HIVEP1: variants seen among roughly 807,000 people sequenced by gnomAD.
HIVEP1 encodes the protein zinc finger protein 40.
In HIVEP1, 36 loss-of-function variants were observed where a neutral mutation model predicts 180.0. That is an observed-to-expected ratio of 0.20 (90% confidence interval 0.15 to 0.26). The LOEUF (loss-of-function observed/expected upper bound fraction) is 0.26, where lower values mean the gene tolerates loss of function less well. HIVEP1 is among the 10% of genes least tolerant of loss of function. HIVEP1 has a pLI of 1.00. For missense variants in HIVEP1, 3,143 were observed against 3,268.7 expected, an observed-to-expected ratio of 0.96 and a Z score of 0.94; for synonymous variants, 1,239 against 1,239.0, an observed-to-expected ratio of 1.00 and a Z score of 0.00.
intron 2 of HIVEP1, chr6:12,038,429 T>A (rs1769438693): frequency 6.6e-6 from 1 of 152,262 alleles, no homozygotes; most frequent in Non-Finnish European, 1.5e-5. Context: ...ATCCCAGCAC[T>A]TTGGGAGGCT....
chr6:12,060,325 A>C (rs1771143911), intron 2 of HIVEP1, among the ~76,000 whole-genome samples: 1 of 152,244 alleles, frequency 6.6e-6, no homozygotes, highest in Non-Finnish European at 1.5e-5. Flanking sequence ...TTCTTTAAAT[A>C]TATATCTGGG....
At chr6:12,047,521 A>T (rs182338615) in intron 2 of HIVEP1, among the ~76,000 whole-genome samples, 2 of 152,374 alleles carry the variant, frequency 1.3e-5, no homozygotes, top group East Asian at 1.9e-4. Context: ...AGACAGGTTC[A>T]TGGTAGCCCT....
chr6:12,020,239 C>T (rs1768095479), intron 2 of HIVEP1: 1 of 453,600 alleles, frequency 2.2e-6, no homozygotes, highest in South Asian at 1.6e-5. Context: ...GCCTGTTTCC[C>T]ATCTGCAGGA....
intron 7 of HIVEP1, among the ~76,000 whole-genome samples, chr6:12,157,856 G>A (rs1477512547): frequency 2.0e-5 from 3 of 152,110 alleles, no homozygotes; most frequent in East Asian, 3.8e-4. Flanking sequence ...AAGAAAGTCT[G>A]TATTTCTCTT....
the HIVEP1 span, among the ~76,000 whole-genome samples, chr6:12,210,086 G>A: frequency 6.6e-6 from 1 of 151,828 alleles, no homozygotes; most frequent in Non-Finnish European, 1.5e-5. Context: ...CTGGGCAACA[G>A]AGCCAGACTC....
the HIVEP1 span, among the ~76,000 whole-genome samples, chr6:12,189,316 A>G: frequency 8.5e-5 from 13 of 152,240 alleles, no homozygotes; most frequent in South Asian, 2.7e-3. Context: ...TTCAGCAACT[A>G]TAGAAAAAGA....
Position 12,065,693 on chromosome 6 carries a change from G to A in HIVEP1, c.41-23491G>A, listed in dbSNP as rs1269957978. Among the ~76,000 whole-genome samples the A allele has an allele frequency of 2.6e-4, 13 of 49,942 alleles. No homozygotes were observed. In the South Asian group the frequency reaches 6.0e-3, roughly 23 times the overall value. The allele number at this position is 49,942 out of a possible 152,430, so 32.8% of individuals were successfully genotyped here. On this transcript the variant is annotated intron_variant, in intron 2 of 8. Coordinates refer to ENST00000379388, the MANE Select transcript of HIVEP1 (RefSeq NM_002114.4). Reference sequence around the variant, plus strand: ...TTTGTGTGTGTGTGTGTGTGTGTGCGTGTGTGTGTGTGTGTGTGTGCATTG... The same window carrying A: ...TTTGTGTGTGTGTGTGTGTGTGTGCATGTGTGTGTGTGTGTGTGTGCATTG...
At chr6:12,052,902 T>A (rs778187450) in intron 2 of HIVEP1, among the ~76,000 whole-genome samples, 2 of 152,226 alleles carry the variant, frequency 1.3e-5, no homozygotes, top group Non-Finnish European at 2.9e-5. Context: ...GCTAAAATGG[T>A]TAGGAAATGC....
the HIVEP1 span, among the ~76,000 whole-genome samples, chr6:12,188,642 T>C: frequency 6.6e-6 from 1 of 151,996 alleles, no homozygotes; most frequent in Non-Finnish European, 1.5e-5. Flanking sequence ...AAGAAATAAA[T>C]ATAAGAAATA....
rs777430622 is a variant in HIVEP1 at position 12,125,399 on chromosome 6, T to G, written c.5604T>G (p.Thr1868=). 15 of 1,613,918 alleles carry G rather than the reference T, an allele frequency of 9.3e-6. No individual in the cohort carries two copies. The highest frequency in any genetic ancestry group is 2.7e-5 in the African/African-American group (2 of 74,944). Residue 1868 remains threonine, a synonymous_variant, in exon 4 of 9, where the codon ACT becomes ACG. Coordinates refer to ENST00000379388, the MANE Select transcript of HIVEP1 (RefSeq NM_002114.4). ...FENIKSSTSL[T]LTVRSSPAPS... ...ACATCAAGTCATCCACATCATTAAC[T>G]CTTACAGTTCGAAGTTCACCTGCTC...
intron 8 of HIVEP1, among the ~76,000 whole-genome samples, chr6:12,162,212 T>A (rs1377149958): frequency 2.6e-5 from 2 of 76,608 alleles, no homozygotes; most frequent in Non-Finnish European, 5.1e-5. Flanking sequence ...TTTTGAAAAA[T>A]TTTTGAAATT....
chr6:12,155,138 A>G (rs1250296886), intron 7 of HIVEP1, among the ~76,000 whole-genome samples: 2 of 152,210 alleles, frequency 1.3e-5, no homozygotes, highest in Admixed American at 6.5e-5. Flanking sequence ...TGACCACTGC[A>G]TTAGTTACAT....
intron 2 of HIVEP1, among the ~76,000 whole-genome samples, chr6:12,036,600 C>A (rs988926052): frequency 6.6e-6 from 1 of 152,188 alleles, no homozygotes; most frequent in East Asian, 1.9e-4. Context: ...GCTAACAACA[C>A]AGTATGAAAG....
chr6:12,058,715 G>T lies in HIVEP1; in HGVS notation c.41-30469G>T, dbSNP rs181140337. Among the ~76,000 whole-genome samples, 70 of 152,214 alleles carry T rather than the reference G, an allele frequency of 4.6e-4. 1 individual carries two copies. The highest frequency in any genetic ancestry group is 1.6e-3 in the African/African-American group (65 of 41,538). Reference sequence around the variant, plus strand: ...AGCAGCTTGGGCAAGCAGCCCAGGCGCAAACAGCTCCGTACTGGTGATGGT... The same window carrying T: ...AGCAGCTTGGGCAAGCAGCCCAGGCTCAAACAGCTCCGTACTGGTGATGGT... On this transcript the variant is annotated intron_variant, in intron 2 of 8. Transcript: ENST00000379388.
At chr6:12,106,027 C>T (rs1406570118) in intron 3 of HIVEP1, among the ~76,000 whole-genome samples, 1 of 151,212 alleles carries the variant, frequency 6.6e-6, no homozygotes, top group Non-Finnish European at 1.5e-5. Context: ...TATATATACA[C>T]ACACATATAT....
Position 12,120,873 on chromosome 6 carries a change from A to G in HIVEP1, c.1078A>G (p.Ile360Val), listed in dbSNP as rs766843274. 3.7e-6 allele frequency: 6 copies of G among 1,614,202 alleles called. No individual in the cohort carries two copies. The highest frequency in any genetic ancestry group is 1.1e-5 in the South Asian group (1 of 91,086). ...AATGGATTCTGCTTCACCTTTGTCA[A>G]TAAGTCCGGCTAATTCTACACAGTC... ...QQMDSASPLS[I>V]SPANSTQSPP... Residue 360 changes from isoleucine (I) to valine (V), a missense_variant, in exon 4 of 9, where the codon ATA becomes GTA. Around this residue, in one of 12 missense-constraint regions of HIVEP1, gnomAD observed 306 missense variants for 310.6 expected, o/e 0.99. Transcript: ENST00000379388.
chr6:12,168,092 CACATACACGT>C (rs1229944845), downstream of HIVEP1, among the ~76,000 whole-genome samples: 3 of 16,830 alleles, frequency 1.8e-4, no homozygotes, highest in East Asian at 2.4e-3. Context: ...TACATATATA[CACATACACGT>C]ATATATGTAT....
chr6:12,032,147 T>TC (rs1321085525), intron 2 of HIVEP1, among the ~76,000 whole-genome samples: 1 of 150,764 alleles, frequency 6.6e-6, no homozygotes, highest in Non-Finnish European at 1.5e-5. Flanking sequence ...ACCTTTTTTT[T>TC]TTTTTTTTTT....
the HIVEP1 span, among the ~76,000 whole-genome samples, chr6:12,207,448 T>C: frequency 4.6e-3 from 700 of 152,264 alleles, 9 homozygotes; most frequent in African/African-American, 0.016. Flanking sequence ...TTAAATTCCC[T>C]ATGTTAATAA....
Sources: allele counts gnomAD v4.1 joint callset (sites outside exome capture counted in the v4.1 genomes callset), GRCh38; gene constraint gnomAD v4.1.1; regional missense constraint gnomAD v4.1.1; transcripts MANE v1.5; gene names NCBI Gene and HGNC (gene_info 2026-07-23, HGNC 2026-07-21).